Variants in PATJ observed in about 807,000 individuals in gnomAD.
PATJ encodes PATJ crumbs cell polarity complex component.
PATJ carries 190 observed loss-of-function variants against 224.9 expected under a neutral mutation model. That is an observed-to-expected ratio of 0.84 (90% CI 0.75 to 0.95). The LOEUF (loss-of-function observed/expected upper bound fraction) is 0.95. Ranked by LOEUF, PATJ falls within the 40% of genes least tolerant of loss-of-function variation. PATJ has a pLI of 0.00. For synonymous variants in PATJ, 769 were observed against 820.3 expected (o/e 0.94, Z 1.07); for missense variants, 2,121 against 2,270.3 (o/e 0.93, Z 1.34).
intron 1 of PATJ, among the ~76,000 whole-genome samples, chr1:61,755,857 A>G (rs1645607030): frequency 6.6e-6 from 1 of 152,200 alleles, no homozygotes; most frequent in South Asian, 2.1e-4. Flanking sequence ...GCTGGAGCGC[A>G]GTGGCATGAT....
chr1:62,054,370 A>C, intron 31 of PATJ: 1 of 444,438 alleles, frequency 2.3e-6, no homozygotes, highest in South Asian at 1.6e-5. Context: ...GTCCAAAAAA[A>C]AAAAAGTTAT....
chr1:61,762,904 TC>T lies in PATJ; in HGVS notation c.14del (p.Pro5LeufsTer15). MPENPATDKLQVLQV... is the reference protein window; with the variant it reads MPENXATDKLQVLQV... Reference sequence around the variant, plus strand: ...GAGAATAATTCAAAATGCCTGAAAATCCTGCTACAGGTATACTGGATATATT... The same window carrying T: ...GAGAATAATTCAAAATGCCTGAAAATCTGCTACAGGTATACTGGATATATT... On this transcript the variant is annotated frameshift_variant, in exon 2 of 44. Transcript: ENST00000642238. LOFTEE classifies it high-confidence loss of function. 1 of 1,550,138 alleles carries T rather than the reference TC, an allele frequency of 6.5e-7. No homozygotes were observed. Among genetic ancestry groups the T allele is most frequent in the Non-Finnish European group, 8.8e-7 (1 of 1,137,120 alleles).
chr1:61,875,284 A>G lies in PATJ; in HGVS notation c.2877A>G (p.Pro959=). The change falls in exon 21 of 44, where the codon CCA becomes CCG. Residue 959 remains proline, a synonymous_variant. Transcript: ENST00000642238. Reference sequence around the variant, plus strand: ...TCATGGAGTCCCTACCATCTGTACCATCAACTGAAGGAAACAGTCAACAAG... The same window carrying G: ...TCATGGAGTCCCTACCATCTGTACCGTCAACTGAAGGAAACAGTCAACAAG... The part of the protein sequence containing the change: ...NFVMESLPSV[P]STEGNSQQGR... The G allele has an allele frequency of 1.2e-6, 2 of 1,608,206 alleles. No individual in the cohort carries two copies. The highest frequency in any genetic ancestry group is 1.7e-6 in the Non-Finnish European group (2 of 1,175,336).
At chr1:62,031,665 A>C (rs1570202914) in intron 29 of PATJ, among the ~76,000 whole-genome samples, 1 of 152,348 alleles carries the variant, frequency 6.6e-6, no homozygotes, top group East Asian at 1.9e-4. Context: ...GGCTATGAAA[A>C]TGGGAAACAC....
intron 6 of PATJ, 150 bp from the exon 7 acceptor site, chr1:61,775,054 CTG>C: frequency 1.4e-6 from 1 of 701,500 alleles, no homozygotes; most frequent in Non-Finnish European, 2.3e-6. Context: ...TTATCTCTGT[CTG>C]TATATCTTAG....
intron 27 of PATJ, among the ~76,000 whole-genome samples, chr1:61,953,554 G>A (rs537867505): frequency 3.3e-5 from 5 of 152,268 alleles, no homozygotes; most frequent in East Asian, 3.9e-4. Flanking sequence ...AAATGGATGC[G>A]TCACAGATTC....
At chr1:62,102,994 CA>C (rs1204790920) in intron 33 of PATJ, among the ~76,000 whole-genome samples, 1 of 151,766 alleles carries the variant, frequency 6.6e-6, no homozygotes, top group Admixed American at 6.6e-5. Flanking sequence ...GTGAGATCTA[CA>C]GATCATCGCC....
At chr1:61,871,360 C>T (rs1323585689) in intron 20 of PATJ, among the ~76,000 whole-genome samples, 21 of 63,460 alleles carry the variant, frequency 3.3e-4, no homozygotes, top group African/African-American at 7.7e-4. Flanking sequence ...TACAGGCATG[C>T]GCCACCATGC....
intron 28 of PATJ, among the ~76,000 whole-genome samples, chr1:62,004,406 C>G (rs1645970945): frequency 6.6e-6 from 1 of 152,070 alleles, no homozygotes; most frequent in Non-Finnish European, 1.5e-5. Context: ...ATTTCTTGGT[C>G]TGGGGTTTCT....
rs536926846 is a variant in PATJ, at chr1:61,769,313, C to T, written c.415C>T (p.Arg139Trp). The change falls in exon 5 of 44, where the codon CGG becomes TGG. Residue 139 changes from arginine to tryptophan, a missense_variant. Physicochemically the swap from Arg to Trp is moderately radical, Grantham distance 101. Transcript: ENST00000642238. ...GCAAATTGAATATATAGATATAGAA[C>T]GGCCTTCAACTGGAGGCCTTGGATT... is the stretch of plus-strand genomic sequence containing the variant. ...GRQIEYIDIE[R>W]PSTGGLGFSV... The T allele has an allele frequency of 2.5e-5, 41 of 1,612,938 alleles. No individual in the cohort carries two copies. The highest frequency in any genetic ancestry group is 3.3e-5 in the Admixed American group (2 of 59,726).
intron 30 of PATJ, among the ~76,000 whole-genome samples, chr1:62,047,137 T>C (rs1652710086): frequency 6.6e-6 from 1 of 152,254 alleles, no homozygotes; most frequent in Admixed American, 6.5e-5. Context: ...TGTTTTCAGC[T>C]GACGCCTCTT....
chr1:62,139,558 TCA>T (rs1163780747), intron 41 of PATJ, among the ~76,000 whole-genome samples: 1 of 152,000 alleles, frequency 6.6e-6, no homozygotes, highest in East Asian at 1.9e-4. Flanking sequence ...CTGAGCCAGC[TCA>T]CAGACCATAT....
intron 17 of PATJ, among the ~76,000 whole-genome samples, chr1:61,844,030 G>A (rs12081481): frequency 0.019 from 2,880 of 152,282 alleles, 105 homozygotes; most frequent in African/African-American, 0.065. Flanking sequence ...TGTCCTCATG[G>A]AGTTTAAATT....
intron 11 of PATJ, among the ~76,000 whole-genome samples, chr1:61,799,039 T>G (rs1570569143): frequency 6.6e-6 from 1 of 152,204 alleles, no homozygotes; most frequent in Non-Finnish European, 1.5e-5. Flanking sequence ...TGATTTGTAT[T>G]TAAATTGGAA....
At chr1:61,766,967 C>T (rs892870298) in intron 4 of PATJ, among the ~76,000 whole-genome samples, 1 of 152,086 alleles carries the variant, frequency 6.6e-6, no homozygotes, top group African/African-American at 2.4e-5. Context: ...GTGGCAGGCA[C>T]CTGTAATCCC....
At chr1:61,777,709 T>TC (rs1647004079) in intron 7 of PATJ, among the ~76,000 whole-genome samples, 1 of 111,364 alleles carries the variant, frequency 9.0e-6, no homozygotes. Context: ...CTTTCTTTTT[T>TC]TTTTTTTTTT....
chr1:61,759,956 CA>C (rs1367150377), intron 1 of PATJ, among the ~76,000 whole-genome samples: 1 of 151,964 alleles, frequency 6.6e-6, no homozygotes, highest in Non-Finnish European at 1.5e-5. Context: ...CAATAAATGT[CA>C]GTTGAGATTT....
intron 7 of PATJ, among the ~76,000 whole-genome samples, chr1:61,778,997 C>A (rs1205964432): frequency 6.6e-6 from 1 of 151,848 alleles, no homozygotes; most frequent in Admixed American, 6.6e-5. Context: ...TCAAGCCTGG[C>A]GAATATTTTT....
chr1:62,118,713 T>C (rs1166422108), intron 37 of PATJ, among the ~76,000 whole-genome samples: 2 of 152,150 alleles, frequency 1.3e-5, no homozygotes, highest in Non-Finnish European at 2.9e-5. Flanking sequence ...CACTGTAATC[T>C]TCGCCTCCCG....
Sources: allele counts gnomAD v4.1 joint callset (sites outside exome capture counted in the v4.1 genomes callset), GRCh38; gene constraint gnomAD v4.1.1; transcripts MANE v1.5; gene names NCBI Gene and HGNC (gene_info 2026-07-23, HGNC 2026-07-21).